GGT7: variants seen among roughly 807,000 people sequenced by gnomAD.
The protein encoded by GGT7 is gamma-glutamyltransferase 7.
GGT7 carries 30 observed loss-of-function variants against 69.2 expected under a neutral mutation model. That is an observed-to-expected ratio of 0.43 (90% CI 0.32 to 0.59). GGT7 has a LOEUF of 0.59. Ranked by LOEUF, GGT7 falls within the 20% of genes least tolerant of loss-of-function variation. GGT7 has a pLI of 0.05. For missense variants in GGT7, 733 were observed against 901.1 expected (o/e 0.81, Z 2.39); for synonymous variants, 388 against 391.8 (o/e 0.99, Z 0.12).
At chr20:34,864,611 C>T (rs1601243620) in intron 1 of GGT7, among the ~76,000 whole-genome samples, 1 of 151,460 alleles carries the variant, frequency 6.6e-6, no homozygotes, top group Non-Finnish European at 1.5e-5. Context: ...ATTCCAGCTA[C>T]TTGGGAGGCT....
chr20:34,866,570 T>G (rs747691050), intron 1 of GGT7, among the ~76,000 whole-genome samples: 1 of 150,978 alleles, frequency 6.6e-6, no homozygotes, highest in African/African-American at 2.4e-5. Context: ...ATCATGAACA[T>G]GTAATTTTTG....
chr20:34,852,179 T>A lies in GGT7; in HGVS notation c.1563A>T (p.Thr521=). ...CCAGGCTGGGTGCAGAGTGGTTAGC[T>A]GTCCGGTTGGGCCAGGAGAAGTCCA... ...QMLDFSWPNR[T]ANHSAPSLEN... is the part of the protein sequence containing the mutation. The change falls in exon 12 of 15, where the codon ACA becomes ACT. Residue 521 remains threonine, a synonymous_variant. Coordinates refer to ENST00000336431, the MANE Select transcript of GGT7 (RefSeq NM_178026.3). The A allele has an allele frequency of 6.2e-7, 1 of 1,612,672 alleles. No individual in the cohort carries two copies. The highest frequency in any genetic ancestry group is 8.5e-7 in the Non-Finnish European group (1 of 1,178,638).
chr20:34,869,073 A>G (rs1400074138), intron 1 of GGT7, among the ~76,000 whole-genome samples: 1 of 152,184 alleles, frequency 6.6e-6, no homozygotes, highest in African/African-American at 2.4e-5. Flanking sequence ...TCCAGAGTTT[A>G]GGAGAGTGAT....
At chr20:34,853,634 T>C (rs1174855217) in intron 10 of GGT7, among the ~76,000 whole-genome samples, 2 of 152,098 alleles carry the variant, frequency 1.3e-5, no homozygotes, top group Non-Finnish European at 2.9e-5. Context: ...CATAGCTGAT[T>C]AGAGAATAAG....
rs376669183 is a variant in GGT7, at chr20:34,859,653, C to T, written c.818-14G>A. 1,011 of 1,573,782 alleles carry T rather than the reference C, an allele frequency of 6.4e-4. No homozygotes were observed. Among genetic ancestry groups the T allele is most frequent in the Non-Finnish European group, 7.9e-4 (916 of 1,156,858 alleles). On this transcript the variant is annotated splice_polypyrimidine_tract_variant and intron_variant, in intron 6 of 14. Coordinates refer to ENST00000336431, the MANE Select transcript of GGT7 (RefSeq NM_178026.3). ...CCAGGGCACGGGCTAGGGGCAGGGACGGGAGGCTGGGCAGGGCGGGACGCC... is the reference window on the plus strand; with the variant it reads ...CCAGGGCACGGGCTAGGGGCAGGGATGGGAGGCTGGGCAGGGCGGGACGCC...
chr20:34,855,790 T>TGTGTGTGTGTGTGTGTGTGTGC (rs2079481721), intron 8 of GGT7, among the ~76,000 whole-genome samples: 1 of 99,028 alleles, frequency 1.0e-5, no homozygotes, highest in Non-Finnish European at 2.0e-5. Context: ...TTTTCTTTTC[T>TGTGTGTGTGTGTGTGTGTGTGC]GTGTGTGTGT....
rs1490067829 is a variant in GGT7, at chr20:34,872,641, C to T, written c.169+6G>A. 1.9e-5 allele frequency: 28 copies of T among 1,459,098 alleles called. No homozygotes were observed. Among genetic ancestry groups the T allele is most frequent in the Non-Finnish European group, 2.4e-5 (27 of 1,107,570 alleles). The allele number at this position is 1,459,098 out of a possible 1,614,324, so 90.4% of individuals were successfully genotyped here. A position where few individuals can be genotyped will look rare whatever the true frequency, so the allele number is the denominator to read the frequency against. On this transcript the variant is annotated splice_donor_region_variant and intron_variant, in intron 1 of 14. Transcript: ENST00000336431. The stretch of plus-strand genomic sequence containing the variant: ...GCAGGGCAGGGACGGGGTCAGCGGG[C>T]CTCACCGGTGTCGGGGTCTCCCAGA...
chr20:34,862,176 G>A (rs911883851), intron 3 of GGT7, among the ~76,000 whole-genome samples: 21 of 152,306 alleles, frequency 1.4e-4, no homozygotes, highest in Non-Finnish European at 1.2e-4. Flanking sequence ...ACTGGACAGT[G>A]CATGCCCATC....
chr20:34,845,290 A>G lies in GGT7; in HGVS notation c.*38T>C. ...AGAAGGAGGGACTCTGGGAACATGC[A>G]AAGTGGGGGAGCAGAGACCCCGCCC... On this transcript the variant is annotated 3_prime_UTR_variant, in exon 15 of 15. Coordinates refer to ENST00000336431, the MANE Select transcript of GGT7 (RefSeq NM_178026.3). The G allele has an allele frequency of 6.3e-7, 1 of 1,579,472 alleles. No individual in the cohort carries two copies.
chr20:34,846,290 CCCTT>C (rs1174427012), intron 14 of GGT7, among the ~76,000 whole-genome samples: 1 of 117,482 alleles, frequency 8.5e-6, no homozygotes, highest in Non-Finnish European at 1.8e-5. Context: ...CTCCCTCCCT[CCCTT>C]CCTTTCTTTC....
At position 34,863,297 on chromosome 20, in the gene GGT7, C is replaced by T. The variant is rs779243811; in HGVS notation, c.405+16G>A. 3 of 1,576,708 alleles carry T rather than the reference C, an allele frequency of 1.9e-6. No individual in the cohort carries two copies. The highest frequency in any genetic ancestry group is 2.6e-6 in the Non-Finnish European group (3 of 1,148,646). On this transcript the variant is annotated intron_variant, in intron 2 of 14. Transcript: ENST00000336431. The surrounding 1 kb of genome is among the most constrained non-coding windows in gnomAD (Gnocchi z 4.4). Reference sequence around the variant, plus strand: ...CACTCCCCAGTTTCCTCCCCCTCCCCATTTGTCCCCCTCACCTGGGGGTCC... The same window carrying T: ...CACTCCCCAGTTTCCTCCCCCTCCCTATTTGTCCCCCTCACCTGGGGGTCC...
At chr20:34,851,418 C>A in intron 12 of GGT7, 50 bp from the exon 13 acceptor site, 1 of 1,556,638 alleles carries the variant, frequency 6.4e-7, no homozygotes, top group Non-Finnish European at 8.7e-7. Flanking sequence ...TGGGACAAGA[C>A]CGGGAAAGGG....
intron 4 of GGT7, 94 bp from the exon 5 acceptor site, chr20:34,860,415 C>T: frequency 1.0e-6 from 1 of 959,874 alleles, no homozygotes; most frequent in South Asian, 1.3e-5. Context: ...CCAGGGATGG[C>T]TGGCACAGGG....
chr20:34,860,112 G>GGGGGGGGGGGGGGGGGA (rs2079565227), intron 5 of GGT7, 70 bp from the exon 6 acceptor site: 3 of 863,910 alleles, frequency 3.5e-6, no homozygotes, highest in African/African-American at 1.7e-5. Context: ...GGGGAGGGGG[G>GGGGGGGGGGGGGGGGGA]TTCCTGGGAA....
chr20:34,860,641 T>TTTG (rs1471674819), intron 4 of GGT7, among the ~76,000 whole-genome samples: 23 of 50,644 alleles, frequency 4.5e-4, no homozygotes, highest in African/African-American at 2.7e-3. Context: ...CCCTGCCTTT[T>TTTG]TTTTTTTTTT....
chr20:34,863,169 CCT>C lies in GGT7; in HGVS notation c.405+142_405+143del. On this transcript the variant is annotated intron_variant, in intron 2 of 14. Coordinates refer to ENST00000336431, the MANE Select transcript of GGT7 (RefSeq NM_178026.3). This position sits in a 1 kb window ranked among gnomAD's most constrained non-coding sequence, Gnocchi z 4.4. ...TCTGTCTCCCTCATGCCCTGGAGCT[CCT>C]CTCTTTGGGACCTTCCTCTCCCAAG... 1.3e-6 allele frequency: 1 copy of C among 780,122 alleles called. No homozygotes were observed. The highest frequency in any genetic ancestry group is 2.1e-6 in the Non-Finnish European group (1 of 477,746). 48.3% of individuals were successfully genotyped at this position (780,122 alleles called of 1,614,324 possible).
At chr20:34,848,396 A>C (rs1300680270) in intron 14 of GGT7, among the ~76,000 whole-genome samples, 1 of 152,206 alleles carries the variant, frequency 6.6e-6, no homozygotes, top group Non-Finnish European at 1.5e-5. Context: ...CCTCAGGTAG[A>C]TGAACTTTCC....
Position 34,854,902 on chromosome 20 carries a change from G to A in GGT7, c.1124C>T (p.Pro375Leu). The A allele has an allele frequency of 6.2e-7, 1 of 1,613,764 alleles. No individual in the cohort carries two copies. Among genetic ancestry groups the A allele is most frequent in the Non-Finnish European group, 8.5e-7 (1 of 1,179,858 alleles). ...GAGGGCAGGGCCCGTGTGCGGAGGT[G>A]GGGGACTAAGAACCAGGTGGCCTGA... ...VYRGHLVLSPPPPHTGPALIS... is the reference protein window; with the variant it reads ...VYRGHLVLSPLPPHTGPALIS... The change falls in exon 9 of 15, where the codon CCA becomes CTA. Residue 375 changes from proline (P) to leucine (L), a missense_variant. Coordinates refer to ENST00000336431, the MANE Select transcript of GGT7 (RefSeq NM_178026.3).
rs1409363959 is a variant in GGT7, at chr20:34,856,773, A to AG, written c.1102+32dup. ...GCCATGGACTGGGAGGCTTCTCCTG[A>AG]GGGGGGACCCTGGGAGCCGGGGGAG... On this transcript the variant is annotated intron_variant, in intron 8 of 14. Transcript: ENST00000336431. 8 of 1,296,106 alleles carry AG rather than the reference A, an allele frequency of 6.2e-6. No homozygotes were observed. In the East Asian group the frequency reaches 1.2e-4, roughly 19 times the overall value. The allele number at this position is 1,296,106 out of a possible 1,614,324, so 80.3% of individuals were successfully genotyped here.
Sources: gnomAD v4.1 joint callset for allele counts (sites outside exome capture counted in the v4.1 genomes callset) on GRCh38, gnomAD v4.1.1 for gene constraint, Gnocchi (gnomAD v3.1) non-coding constraint, MANE v1.5 for transcripts, NCBI Gene and HGNC (gene_info 2026-07-23, HGNC 2026-07-21) for gene names.